Variants in EFHC1 observed in about 807,000 individuals in gnomAD.
EFHC1 encodes the protein EF-hand domain-containing protein 1.
In EFHC1, 53 loss-of-function variants were observed where a neutral mutation model predicts 69.9. The observed-to-expected ratio is 0.76, with a 90% CI of 0.61 to 0.95. The LOEUF (loss-of-function observed/expected upper bound fraction) is 0.95. Ranked by LOEUF, EFHC1 falls within the 40% of genes least tolerant of loss-of-function variation. The pLI is 0.00. For missense variants in EFHC1, 739 were observed against 798.7 expected (o/e 0.93, Z 0.90); for synonymous variants, 256 against 278.4 (o/e 0.92, Z 0.80).
intron 1 of EFHC1, among the ~76,000 whole-genome samples, chr6:52,423,162 CAA>C (rs1402168892): frequency 6.6e-6 from 1 of 152,064 alleles, no homozygotes; most frequent in African/African-American, 2.4e-5. Context: ...AGTTGCTTTC[CAA>C]AGAGTTGTAA....
intron 3 of EFHC1, among the ~76,000 whole-genome samples, chr6:52,447,900 A>C (rs1022991270): frequency 1.8e-4 from 28 of 152,228 alleles, no homozygotes; most frequent in Non-Finnish European, 7.3e-5. Context: ...ATTGCTGAAC[A>C]GCAGATGTTG....
chr6:52,491,046 CAG>C (rs1369650496), intron 10 of EFHC1: 1 of 152,216 alleles, frequency 6.6e-6, no homozygotes, highest in Non-Finnish European at 1.5e-5. Flanking sequence ...TTAGCCAAAA[CAG>C]GTGTTCAGAA....
intron 7 of EFHC1, among the ~76,000 whole-genome samples, chr6:52,474,995 ATTG>A (rs1355261640): frequency 1.7e-4 from 24 of 143,984 alleles, no homozygotes; most frequent in African/African-American, 6.0e-4. Context: ...TGATATTTTT[ATTG>A]TTGTTTTGGG....
intron 2 of EFHC1, among the ~76,000 whole-genome samples, chr6:52,432,282 G>T (rs1160043553): frequency 6.6e-6 from 1 of 151,990 alleles, no homozygotes; most frequent in Admixed American, 6.6e-5. Flanking sequence ...GTTTTTAATT[G>T]TATTTTTGTT....
chr6:52,434,906 TAC>T (rs1316569303), intron 2 of EFHC1, among the ~76,000 whole-genome samples: 1 of 151,090 alleles, frequency 6.6e-6, no homozygotes, highest in African/African-American at 2.4e-5. Flanking sequence ...TATATATACA[TAC>T]ACACATATAA....
chr6:52,430,099 G>C (rs1483827208), intron 2 of EFHC1: 1 of 152,100 alleles, frequency 6.6e-6, no homozygotes, highest in African/African-American at 2.4e-5. Context: ...TCAGTTCTAG[G>C]AGCTTTCTGG....
At chr6:52,483,869 G>C (rs761107799) in intron 9 of EFHC1, 1 of 152,222 alleles carries the variant, frequency 6.6e-6, no homozygotes, top group Non-Finnish European at 1.5e-5. Flanking sequence ...ATGGGAAGAG[G>C]GGGAGAACCT....
chr6:52,426,684 C>G (rs1764308670), intron 2 of EFHC1, among the ~76,000 whole-genome samples: 1 of 152,150 alleles, frequency 6.6e-6, no homozygotes, highest in East Asian at 1.9e-4. Context: ...CACCTTTTCC[C>G]ATAGATCTGC....
Position 52,469,727 on chromosome 6 carries a change from A to T in EFHC1, c.1278+254A>T, listed in dbSNP as rs148776712. On this transcript the variant is annotated intron_variant, in intron 7 of 10. Coordinates refer to ENST00000371068, the MANE Select transcript of EFHC1 (RefSeq NM_018100.4). ...CATTAATCTCTCACTCTTACACCTCAAATGTTGACAGATCTTTTGCCTCTT... is the reference window on the plus strand; with the variant it reads ...CATTAATCTCTCACTCTTACACCTCTAATGTTGACAGATCTTTTGCCTCTT... 2.8e-3 allele frequency among the ~76,000 whole-genome samples: 427 copies of T among 152,294 alleles called. 6 individuals are homozygous for T. The highest frequency in any genetic ancestry group is 9.8e-3 in the African/African-American group (409 of 41,568).
At chr6:52,470,398 G>A (rs901427922) in intron 7 of EFHC1, among the ~76,000 whole-genome samples, 5 of 152,052 alleles carry the variant, frequency 3.3e-5, no homozygotes, top group Non-Finnish European at 5.9e-5. Flanking sequence ...AAATTCAAGC[G>A]GCTTGTTGAA....
chr6:52,454,026 T>C, intron 4 of EFHC1, 69 bp from the exon 5 acceptor site: 3 of 1,609,532 alleles, frequency 1.9e-6, no homozygotes, highest in Non-Finnish European at 2.5e-6. Context: ...TGATACATAA[T>C]TGCCAAAGTA....
chr6:52,423,666 T>TC lies in EFHC1; in HGVS notation c.64-280_64-279insC, dbSNP rs1764237628. On this transcript the variant is annotated intron_variant, in intron 1 of 10. Transcript: ENST00000371068. The stretch of plus-strand genomic sequence containing the variant: ...CCACCACACCCAGCTAATTTTTTTT[T>TC]TTTTTTTTTTTTTTTTTTAGTTTTT... 6.7e-6 allele frequency: 3 copies of TC among 449,934 alleles called. No individual in the cohort carries two copies. The East Asian group carries it at 1.3e-4, about 19-fold the overall frequency. The allele number at this position is 449,934 out of a possible 1,614,324, so 27.9% of individuals were successfully genotyped here.
intron 4 of EFHC1, chr6:52,453,769 A>G (rs1167840892): frequency 7.9e-7 from 1 of 1,263,552 alleles, no homozygotes; most frequent in Non-Finnish European, 1.0e-6. Context: ...TAATATATAT[A>G]TACCACTATG....
intron 7 of EFHC1, among the ~76,000 whole-genome samples, chr6:52,476,504 G>A (rs777954309): frequency 2.0e-5 from 3 of 152,284 alleles, no homozygotes; most frequent in South Asian, 2.1e-4. Flanking sequence ...TTTTGTAATT[G>A]CAAAGGGAAA....
rs77875583 is a variant in EFHC1 at position 52,494,684 on chromosome 6, C to G, written c.*2343C>G. The G allele has an allele frequency of 1.7e-3, 774 of 454,104 alleles. 5 individuals carry two copies. Among genetic ancestry groups the G allele is most frequent in the African/African-American group, 0.013 (669 of 50,104 alleles). The allele number at this position is 454,104 out of a possible 1,614,324, so 28.1% of individuals were successfully genotyped here. On this transcript the variant is annotated 3_prime_UTR_variant, in exon 11 of 11. Transcript: ENST00000371068. Reference sequence around the variant, plus strand: ...GTGCCCAGTAAGTAGTTTTTCCACACATACCCCCTCCTTCCCTTCCCACTC... The same window carrying G: ...GTGCCCAGTAAGTAGTTTTTCCACAGATACCCCCTCCTTCCCTTCCCACTC...
chr6:52,476,565 A>C lies in EFHC1; in HGVS notation c.1279-2472A>C, dbSNP rs1343822705. On this transcript the variant is annotated intron_variant, in intron 7 of 10. Coordinates refer to ENST00000371068, the MANE Select transcript of EFHC1 (RefSeq NM_018100.4). ...CAGCAGAAACCTTAACCAAGTGATCAAGGTCAGTGTTATCCATAATAAGAT... is the reference window on the plus strand; with the variant it reads ...CAGCAGAAACCTTAACCAAGTGATCCAGGTCAGTGTTATCCATAATAAGAT... Among the ~76,000 whole-genome samples, 3 of 152,348 alleles carry C rather than the reference A, an allele frequency of 2.0e-5. No homozygotes were observed. The East Asian group carries it at 5.8e-4, about 29-fold the overall frequency.
rs1464453031 is a variant in EFHC1, at chr6:52,495,518, C to T, written c.*3177C>T. On this transcript the variant is annotated 3_prime_UTR_variant, in exon 11 of 11. Coordinates refer to ENST00000371068, the MANE Select transcript of EFHC1 (RefSeq NM_018100.4). Reference sequence around the variant, plus strand: ...CCAATTTTTGTCCTCAGCTTTGGGTCTCAGCCAAAATGGAGATTTAGGAAA... The same window carrying T: ...CCAATTTTTGTCCTCAGCTTTGGGTTTCAGCCAAAATGGAGATTTAGGAAA... 2.2e-6 allele frequency: 1 copy of T among 454,092 alleles called. No homozygotes were observed. Among genetic ancestry groups the T allele is most frequent in the Admixed American group, 2.3e-5 (1 of 42,574 alleles). 28.1% of individuals were successfully genotyped at this position (454,092 alleles called of 1,614,324 possible). A position where few individuals can be genotyped will look rare whatever the true frequency, so the allele number is the denominator to read the frequency against.
At chr6:52,452,130 G>C (rs6935131) in intron 3 of EFHC1, among the ~76,000 whole-genome samples, 6,473 of 152,228 alleles carry the variant, frequency 0.043, 241 homozygotes, top group East Asian at 0.14. Context: ...CTCCCAACTA[G>C]CTTAGCAAAT....
chr6:52,445,297 A>T (rs1764756516), intron 3 of EFHC1, among the ~76,000 whole-genome samples: 1 of 149,706 alleles, frequency 6.7e-6, no homozygotes, highest in South Asian at 2.1e-4. Flanking sequence ...TAATTAATTT[A>T]TTTATTTTTT....
Sources: gnomAD v4.1 joint callset for allele counts (sites outside exome capture counted in the v4.1 genomes callset) on GRCh38, gnomAD v4.1.1 for gene constraint, MANE v1.5 for transcripts, NCBI Gene and HGNC (gene_info 2026-07-23, HGNC 2026-07-21) for gene names.